The following LRP1B variants were observed in gnomAD, a reference collection of about 807,000 sequenced individuals.
LRP1B encodes low-density lipoprotein receptor-related protein 1B.
Under a neutral mutation model 556.6 loss-of-function variants are expected in LRP1B, and 217 were observed. The observed-to-expected ratio is 0.39, with a 90% CI of 0.35 to 0.44. The LOEUF (loss-of-function observed/expected upper bound fraction) is 0.44. LRP1B is among the 20% of genes least tolerant of loss of function. The pLI is 1.00. For synonymous variants in LRP1B, 2,047 were observed against 1,865.8 expected, an observed-to-expected ratio of 1.10 and a Z score of -2.50; for missense variants, 5,053 against 5,620.8, an observed-to-expected ratio of 0.90 and a Z score of 3.23.
intron 3 of LRP1B, among the ~76,000 whole-genome samples, chr2:141,384,856 C>G (rs148373655): frequency 6.6e-6 from 1 of 152,180 alleles, no homozygotes; most frequent in African/African-American, 2.4e-5. Flanking sequence ...ACCAGTTCTC[C>G]TTCACTGATT....
At chr2:140,901,462 T>C (rs1434255841) in intron 23 of LRP1B, among the ~76,000 whole-genome samples, 1 of 151,830 alleles carries the variant, frequency 6.6e-6, no homozygotes, top group Non-Finnish European at 1.5e-5. Flanking sequence ...AGTTGCTACC[T>C]ATGACAGGTT....
At chr2:140,766,846 A>ATATATATATAT (rs1689132910) in intron 35 of LRP1B, among the ~76,000 whole-genome samples, 1 of 103,016 alleles carries the variant, frequency 9.7e-6, no homozygotes, top group South Asian at 3.0e-4. Flanking sequence ...TATATATATT[A>ATATATATATAT]TATATATATA....
intron 2 of LRP1B, among the ~76,000 whole-genome samples, chr2:141,772,423 G>A (rs2105618586): frequency 6.6e-6 from 1 of 152,194 alleles, no homozygotes; most frequent in African/African-American, 2.4e-5. Context: ...TTGATAAAAT[G>A]AGAGTATTCC....
At chr2:141,523,128 A>G (rs35889742) in intron 2 of LRP1B, among the ~76,000 whole-genome samples, 47,934 of 151,734 alleles carry the variant, frequency 0.32, 8,479 homozygotes, top group Non-Finnish European at 0.4. Flanking sequence ...ATTTTAAAAC[A>G]TCATGATGTA....
chr2:141,621,394 A>G (rs1256343007), intron 2 of LRP1B, among the ~76,000 whole-genome samples: 1 of 152,192 alleles, frequency 6.6e-6, no homozygotes, highest in Non-Finnish European at 1.5e-5. Flanking sequence ...TAAGACAGAA[A>G]ATACCAGAGA....
chr2:140,805,798 T>C (rs1311491580), intron 32 of LRP1B, among the ~76,000 whole-genome samples: 2 of 151,422 alleles, frequency 1.3e-5, no homozygotes, highest in African/African-American at 4.8e-5. Flanking sequence ...TATAGAGAAA[T>C]AGATAAAGAG....
intron 7 of LRP1B, among the ~76,000 whole-genome samples, chr2:141,137,219 G>A (rs562552388): frequency 6.6e-6 from 1 of 151,934 alleles, no homozygotes; most frequent in East Asian, 1.9e-4. Flanking sequence ...AAGGAACATC[G>A]GCCTAATAGA....
rs747329587 is a variant in LRP1B at position 140,239,377 on chromosome 2, TTA to T, written c.13415+63_13415+64del. The T allele has an allele frequency of 2.0e-5, 20 of 1,010,312 alleles. No individual in the cohort carries two copies. The African/African-American group carries it at 2.0e-4, about 10-fold the overall frequency. 62.6% of individuals were successfully genotyped at this position (1,010,312 alleles called of 1,614,324 possible). A position where few individuals can be genotyped will look rare whatever the true frequency, so the allele number is the denominator to read the frequency against. On this transcript the variant is annotated intron_variant, in intron 88 of 90. Transcript: ENST00000389484. ...TGTTTAAAAAAATTAACAACAAACATTATGTTTCTGCACCTAGTTGTGTGATT... is the reference window on the plus strand; with the variant it reads ...TGTTTAAAAAAATTAACAACAAACATTGTTTCTGCACCTAGTTGTGTGATT...
intron 84 of LRP1B, among the ~76,000 whole-genome samples, chr2:140,294,852 A>G (rs1420245066): frequency 6.6e-6 from 1 of 152,054 alleles, no homozygotes; most frequent in Non-Finnish European, 1.5e-5. Flanking sequence ...TGAGCAATAC[A>G]TGAGAAAGGA....
intron 2 of LRP1B, among the ~76,000 whole-genome samples, chr2:141,557,364 T>A (rs958688487): frequency 6.6e-6 from 1 of 151,898 alleles, no homozygotes. Context: ...ACCATTTCAG[T>A]GTGGCATGGA....
intron 32 of LRP1B, among the ~76,000 whole-genome samples, chr2:140,809,394 A>G (rs554932935): frequency 1.6e-4 from 24 of 152,276 alleles, no homozygotes; most frequent in African/African-American, 4.8e-4. Context: ...TGGAGCTGAG[A>G]GGTGTTCTAC....
At chr2:141,055,699 G>A (rs899276008) in intron 9 of LRP1B, among the ~76,000 whole-genome samples, 1 of 151,784 alleles carries the variant, frequency 6.6e-6, no homozygotes, top group Non-Finnish European at 1.5e-5. Context: ...CCAAACTAGA[G>A]GAAATGTGAT....
chr2:141,917,461 A>G (rs1041136894), intron 1 of LRP1B, among the ~76,000 whole-genome samples: 2 of 152,230 alleles, frequency 1.3e-5, no homozygotes, highest in African/African-American at 2.4e-5. Flanking sequence ...AAATTTGGAC[A>G]TTAGTTTTTT....
At chr2:141,709,397 C>A (rs1235586646) in intron 2 of LRP1B, among the ~76,000 whole-genome samples, 2 of 110,390 alleles carry the variant, frequency 1.8e-5, no homozygotes, top group African/African-American at 8.2e-5. Context: ...AATAAAATAA[C>A]CCCTTTTGGA....
chr2:141,924,560 A>G (rs1700284577), intron 1 of LRP1B, among the ~76,000 whole-genome samples: 2 of 152,154 alleles, frequency 1.3e-5, no homozygotes, highest in Non-Finnish European at 2.9e-5. Flanking sequence ...AGCAAGGTCA[A>G]AAGACTGAGG....
At chr2:141,384,405 G>A (rs1300710234) in intron 3 of LRP1B, among the ~76,000 whole-genome samples, 1 of 151,800 alleles carries the variant, frequency 6.6e-6, no homozygotes, top group Admixed American at 6.6e-5. Context: ...CTGCATTATT[G>A]GAAAGACAAA....
intron 83 of LRP1B, 76 bp from the exon 84 acceptor site, chr2:140,298,045 A>G: frequency 7.3e-7 from 1 of 1,372,968 alleles, no homozygotes; most frequent in Non-Finnish European, 9.9e-7. Context: ...TTCATGGGAT[A>G]AAAGTTGAGA....
At chr2:141,127,474 G>C (rs1478707214) in intron 7 of LRP1B, among the ~76,000 whole-genome samples, 2 of 152,110 alleles carry the variant, frequency 1.3e-5, no homozygotes, top group African/African-American at 4.8e-5. Context: ...CAATAGTAAA[G>C]ACTTGGAACC....
At chr2:141,644,125 C>T (rs1689456179) in intron 2 of LRP1B, among the ~76,000 whole-genome samples, 1 of 151,406 alleles carries the variant, frequency 6.6e-6, no homozygotes, top group South Asian at 2.1e-4. Context: ...AACCCTTTTC[C>T]CCCACACAAT....
Sources: gnomAD v4.1 joint callset for allele counts (sites outside exome capture counted in the v4.1 genomes callset) on GRCh38, gnomAD v4.1.1 for gene constraint, MANE v1.5 for transcripts, NCBI Gene and HGNC (gene_info 2026-07-23, HGNC 2026-07-21) for gene names.